RANBP3L: variants seen among roughly 807,000 people sequenced by gnomAD.
RANBP3L encodes ran-binding protein 3-like.
RANBP3L carries 56 observed loss-of-function variants against 67.2 expected under a neutral mutation model. The ratio of observed to expected loss-of-function variants is 0.83; its 90% CI spans 0.67 to 1.04. The LOEUF (loss-of-function observed/expected upper bound fraction) is 1.04, where lower values mean the gene tolerates loss of function less well. Ranked by LOEUF, RANBP3L falls within the 50% of genes least tolerant of loss-of-function variation. The pLI is 0.00. For synonymous variants in RANBP3L, 164 were observed against 181.4 expected, an observed-to-expected ratio of 0.90 and a Z score of 0.77; for missense variants, 496 against 535.5, an observed-to-expected ratio of 0.93 and a Z score of 0.73.
intron 1 of RANBP3L, among the ~76,000 whole-genome samples, chr5:36,272,546 C>G (rs1750294556): frequency 6.6e-6 from 1 of 152,154 alleles, no homozygotes; most frequent in Non-Finnish European, 1.5e-5. Flanking sequence ...CTGCAAACAC[C>G]CTTTGTGAAT....
chr5:36,251,771 G>A (rs985025944), intron 12 of RANBP3L, among the ~76,000 whole-genome samples: 2 of 151,998 alleles, frequency 1.3e-5, no homozygotes, highest in African/African-American at 4.8e-5. Context: ...TTGAATTTTT[G>A]AATTTAAATT....
In RANBP3L at chr5:36,255,508, G is replaced by A. The variant is rs757172110; in HGVS notation, c.986C>T (p.Thr329Ile). Residue 329 changes from threonine (T) to isoleucine (I), a missense_variant, in exon 11 of 14, where the codon ACA (threonine) becomes ATA (isoleucine). Thr to Ile is a moderately conservative substitution (Grantham distance 89, BLOSUM62 -1). Transcript: ENST00000296604. ...RGRGTLRLND[T>I]ASTDCGTLQS... is the part of the protein sequence containing the mutation. ...TAATGTTCCACAGTCAGTGCTTGCT[G>A]TGTCATTCAGTCTCAACGTTCCTCT... The A allele has an allele frequency of 8.1e-6, 13 of 1,611,806 alleles. No homozygotes were observed. In the African/African-American group the frequency reaches 1.2e-4, roughly 15 times the overall value.
intron 1 of RANBP3L, among the ~76,000 whole-genome samples, chr5:36,279,376 ACTAT>A (rs941924846): frequency 1.3e-5 from 2 of 152,158 alleles, no homozygotes; most frequent in Admixed American, 1.3e-4. Context: ...TAAACAACAA[ACTAT>A]CTACTAAAAG....
At chr5:36,276,077 G>A (rs1010453528) in intron 1 of RANBP3L, among the ~76,000 whole-genome samples, 2 of 152,156 alleles carry the variant, frequency 1.3e-5, no homozygotes, top group East Asian at 3.8e-4. Context: ...CAAGCATACA[G>A]TACCTTGCTT....
At position 36,301,375 on chromosome 5, in the gene RANBP3L, G is replaced by A. The variant is rs148982882; in HGVS notation, c.42C>T (p.Gly14=). ...GCTTCAGTTTACAGGTGTGCAAACT[G>A]CCAGGCAGGTGGCTGCTGCCTTTTC... ...IPRKGSSHLP[G]SLHTCKLKLQ... Residue 14 remains glycine, a synonymous_variant, in exon 1 of 14, where the codon GGC becomes GGT. Transcript: ENST00000296604. 3.7e-6 allele frequency: 6 copies of A among 1,613,638 alleles called. No individual in the cohort carries two copies. The African/African-American group carries it at 8.0e-5, about 22-fold the overall frequency.
Position 36,301,413 on chromosome 5 carries a change from T to C in RANBP3L, c.4A>G (p.Thr2Ala). The C allele has an allele frequency of 6.2e-7, 1 of 1,612,974 alleles. No homozygotes were observed. The highest frequency in any genetic ancestry group is 8.5e-7 in the Non-Finnish European group (1 of 1,179,404). Residue 2 changes from threonine to alanine, a missense_variant, in exon 1 of 14, where the codon ACT becomes GCT. Coordinates refer to ENST00000296604, the MANE Select transcript of RANBP3L (RefSeq NM_145000.5). Reference sequence around the variant, plus strand: ...CTGCTGCCTTTTCTTGGTATGGTAGTCATGGTCCTAGCAGTATGGCTGTGA... The same window carrying C: ...CTGCTGCCTTTTCTTGGTATGGTAGCCATGGTCCTAGCAGTATGGCTGTGA... M[T>A]TIPRKGSSHL...
In RANBP3L at chr5:36,255,598, A is replaced by G. The variant is rs1409203550; in HGVS notation, c.904-8T>C. On this transcript the variant is annotated splice_polypyrimidine_tract_variant and splice_region_variant and intron_variant, in intron 10 of 13. Coordinates refer to ENST00000296604, the MANE Select transcript of RANBP3L (RefSeq NM_145000.5). ...GAAAAGCTTGCAGTTTATCTAAATG[A>G]CAATTTTTTAAAATGTCAAATATAT... The G allele has an allele frequency of 1.3e-6, 2 of 1,593,424 alleles. No homozygotes were observed. The highest frequency in any genetic ancestry group is 1.7e-6 in the Non-Finnish European group (2 of 1,170,306).
At chr5:36,277,640 A>G (rs1241654326) in intron 1 of RANBP3L, among the ~76,000 whole-genome samples, 2 of 152,038 alleles carry the variant, frequency 1.3e-5, no homozygotes, top group Admixed American at 1.3e-4. Flanking sequence ...GTAGACATCT[A>G]TCCACACATA....
At chr5:36,259,449 G>T (rs1282036509) in intron 8 of RANBP3L, among the ~76,000 whole-genome samples, 1 of 152,004 alleles carries the variant, frequency 6.6e-6, no homozygotes, top group East Asian at 1.9e-4. Flanking sequence ...CAGGTGTGGT[G>T]GTACGTGCCT....
chr5:36,278,838 C>T (rs577449783), intron 1 of RANBP3L, among the ~76,000 whole-genome samples: 17 of 152,154 alleles, frequency 1.1e-4, no homozygotes, highest in South Asian at 4.2e-4. Context: ...TGCAAAAGTT[C>T]GCTTTCTGTT....
intron 1 of RANBP3L, among the ~76,000 whole-genome samples, chr5:36,294,380 G>T (rs1752037090): frequency 6.6e-6 from 1 of 151,818 alleles, no homozygotes; most frequent in African/African-American, 2.4e-5. Flanking sequence ...TTTTTGAAGG[G>T]TTTTTTGTGT....
intron 1 of RANBP3L, among the ~76,000 whole-genome samples, chr5:36,289,437 C>A (rs1409655082): frequency 2.0e-5 from 3 of 152,034 alleles, no homozygotes; most frequent in Non-Finnish European, 2.9e-5. Context: ...AACAAAAAAT[C>A]TGCTGTAATT....
At chr5:36,280,965 C>A (rs1386511607) in intron 1 of RANBP3L, among the ~76,000 whole-genome samples, 6 of 152,076 alleles carry the variant, frequency 3.9e-5, no homozygotes, top group Non-Finnish European at 8.8e-5. Flanking sequence ...TGGCTGATCA[C>A]CAAGGATGCT....
intron 1 of RANBP3L, among the ~76,000 whole-genome samples, chr5:36,298,096 C>T (rs1309148593): frequency 2.6e-5 from 4 of 151,644 alleles, no homozygotes; most frequent in Non-Finnish European, 4.4e-5. Context: ...GTCAGGAGTT[C>T]GAGACCAGCC....
At chr5:36,297,435 ACACACACACACG>A (rs1014421981) in intron 1 of RANBP3L, among the ~76,000 whole-genome samples, 5 of 151,616 alleles carry the variant, frequency 3.3e-5, no homozygotes, top group South Asian at 4.2e-4. Context: ...ATACACACAC[ACACACACACACG>A]CACACACACA....
rs371757237 is a variant in RANBP3L at position 36,283,786 on chromosome 5, A to T, written c.92-12475T>A. The stretch of plus-strand genomic sequence containing the variant: ...TTACATCTACATGGAGCCCCACTCC[A>T]GAGAGATGACCATGTTATTGAGCTG... On this transcript the variant is annotated intron_variant, in intron 1 of 13. Transcript: ENST00000296604. Among the ~76,000 whole-genome samples the T allele has an allele frequency of 4.8e-3, 724 of 152,306 alleles. 7 individuals are homozygous for T. The highest frequency in any genetic ancestry group is 0.016 in the African/African-American group (678 of 41,574).
intron 1 of RANBP3L, among the ~76,000 whole-genome samples, chr5:36,290,936 G>A (rs1324264589): frequency 6.9e-6 from 1 of 145,388 alleles, no homozygotes; most frequent in Non-Finnish European, 1.5e-5. Context: ...AGTAGAGACA[G>A]GGTTTCACCA....
chr5:36,295,263 A>C (rs1752122168), intron 1 of RANBP3L, among the ~76,000 whole-genome samples: 1 of 151,958 alleles, frequency 6.6e-6, no homozygotes, highest in Non-Finnish European at 1.5e-5. Context: ...CATAATCCCC[A>C]CATGTCATGG....
intron 1 of RANBP3L, among the ~76,000 whole-genome samples, chr5:36,283,995 T>G (rs1050572483): frequency 4.6e-5 from 7 of 152,156 alleles, no homozygotes; most frequent in African/African-American, 1.7e-4. Flanking sequence ...TTCCTTTTTT[T>G]TTTTTGAGAT....
Sources: gnomAD v4.1 joint callset for allele counts (sites outside exome capture counted in the v4.1 genomes callset) on GRCh38, gnomAD v4.1.1 for gene constraint, MANE v1.5 for transcripts, NCBI Gene and HGNC (gene_info 2026-07-23, HGNC 2026-07-21) for gene names.